The following LYVE1 variants were observed in gnomAD, a reference collection of about 807,000 sequenced individuals.
LYVE1 encodes lymphatic vessel endothelial hyaluronan receptor 1, also known as lymphatic vessel endothelial hyaluronic acid receptor 1.
A neutral mutation model predicts 31.5 loss-of-function variants in LYVE1; 29 were observed. That is an observed-to-expected ratio of 0.92 (90% CI 0.69 to 1.26). The LOEUF is 1.26. Ranked by LOEUF, LYVE1 falls within the 50% of genes most tolerant of loss-of-function variation. The pLI, the probability that LYVE1 is intolerant of heterozygous loss-of-function variation, is 0.00. For synonymous variants in LYVE1, 134 were observed against 139.4 expected (o/e 0.96, Z 0.27); for missense variants, 376 against 380.2 (o/e 0.99, Z 0.09).
intron 3 of LYVE1, among the ~76,000 whole-genome samples, chr11:10,561,009 G>C (rs1310141805): frequency 6.6e-6 from 1 of 152,174 alleles, no homozygotes; most frequent in Non-Finnish European, 1.5e-5. Context: ...TTTGGCCCCT[G>C]CTAACATGCC....
At chr11:10,561,035 T>C (rs1319160134) in intron 3 of LYVE1, among the ~76,000 whole-genome samples, 2 of 152,232 alleles carry the variant, frequency 1.3e-5, no homozygotes, top group Admixed American at 1.3e-4. Context: ...CATCTGCTCT[T>C]TTTCTCTCAT....
At position 10,558,491 on chromosome 11, in the gene LYVE1, G is replaced by C. The variant is rs998015978; in HGVS notation, c.*620C>G. On this transcript the variant is annotated 3_prime_UTR_variant, in exon 6 of 6. Transcript: ENST00000256178. The stretch of plus-strand genomic sequence containing the variant: ...CACTTTGACCCTGTCTGTGTTTACA[G>C]TCCCTGCTGACAGTGTACTGTCGTA... 6.6e-6 allele frequency: 1 copy of C among 152,206 alleles called. No individual in the cohort carries two copies. The highest frequency in any genetic ancestry group is 1.5e-5 in the Non-Finnish European group (1 of 68,046). 9.4% of individuals were successfully genotyped at this position (152,206 alleles called of 1,614,324 possible). A position where few individuals can be genotyped will look rare whatever the true frequency, so the allele number is the denominator to read the frequency against.
At position 10,558,604 on chromosome 11, in the gene LYVE1, C is replaced by T. The variant is rs1459990024; in HGVS notation, c.*507G>A. Reference sequence around the variant, plus strand: ...ATCTCCATGGCTTTCAGGGGCTAAACTTTTCTGCCATTCTTTTGCTCTTAC... The same window carrying T: ...ATCTCCATGGCTTTCAGGGGCTAAATTTTTCTGCCATTCTTTTGCTCTTAC... On this transcript the variant is annotated 3_prime_UTR_variant, in exon 6 of 6. Transcript: ENST00000256178. The T allele has an allele frequency of 6.6e-6, 1 of 152,598 alleles. No homozygotes were observed. The highest frequency in any genetic ancestry group is 1.5e-5 in the Non-Finnish European group (1 of 68,350). The allele number at this position is 152,598 out of a possible 1,614,324, so 9.5% of individuals were successfully genotyped here.
At chr11:10,562,946 C>CTTTTTTT (rs71034774) in intron 3 of LYVE1, among the ~76,000 whole-genome samples, 66 of 79,474 alleles carry the variant, frequency 8.3e-4, no homozygotes, top group Non-Finnish European at 1.0e-3. Flanking sequence ...AACTCGGTTT[C>CTTTTTTT]TTTTTTTTTT....
At chr11:10,566,905 A>G (rs903049874) in intron 1 of LYVE1, among the ~76,000 whole-genome samples, 3 of 152,148 alleles carry the variant, frequency 2.0e-5, no homozygotes, top group Non-Finnish European at 4.4e-5. Context: ...ATGCTTTCCT[A>G]TTTCATTTAG....
At chr11:10,566,202 C>T (rs748452998) in intron 1 of LYVE1, among the ~76,000 whole-genome samples, 16 of 152,024 alleles carry the variant, frequency 1.1e-4, no homozygotes, top group Non-Finnish European at 2.1e-4. Context: ...CTCTGCCTCC[C>T]GGGTCCAAGC....
rs765826656 is a variant in LYVE1, at chr11:10,564,243, GGTCCTTGCCGGCCAAACTTA to G, written c.197_216del (p.Leu66ProfsTer3). On this transcript the variant is annotated frameshift_variant, in exon 2 of 6. Transcript: ENST00000256178. LOFTEE classifies it high-confidence loss of function. ...CTAGCTTTCAAGGCTGTTTCAACTT[GGTCCTTGCCGGCCAAACTTA>G]GTCCCAGCAGCCTACAGGCCTCCTT... 7.4e-6 allele frequency: 12 copies of G among 1,614,146 alleles called. No individual in the cohort carries two copies. The South Asian group carries it at 1.3e-4, about 18-fold the overall frequency.
intron 1 of LYVE1, among the ~76,000 whole-genome samples, chr11:10,565,552 C>A (rs915502511): frequency 2.0e-5 from 3 of 152,176 alleles, no homozygotes; most frequent in African/African-American, 7.2e-5. Flanking sequence ...ATGGAAGTTT[C>A]TTTTTGAAAA....
rs370466017 is a variant in LYVE1 at position 10,560,787 on chromosome 11, G to A, written c.411C>T (p.Asn137=). 6.2e-7 allele frequency: 1 copy of A among 1,610,054 alleles called. No homozygotes were observed. The highest frequency in any genetic ancestry group is 1.3e-5 in the African/African-American group (1 of 74,818). Residue 137 remains asparagine (N), a synonymous_variant, in exon 4 of 6, where the codon AAC becomes AAT. Transcript: ENST00000256178. The stretch of plus-strand genomic sequence containing the variant: ...TGGTGATAATTTCTGGAATGCACGA[G>A]TTAGTCCAAGTATCTGTTGGGATAG... ...YCYNSSDTWT[N]SCIPEIITTK...
At chr11:10,561,067 A>C (rs890842054) in intron 3 of LYVE1, among the ~76,000 whole-genome samples, 2 of 152,142 alleles carry the variant, frequency 1.3e-5, no homozygotes, top group African/African-American at 4.8e-5. Context: ...TACTGAAATT[A>C]CTTGAAATTC....
In LYVE1 at chr11:10,559,031, C is replaced by G; in HGVS notation, c.*80G>C. On this transcript the variant is annotated 3_prime_UTR_variant, in exon 6 of 6. Coordinates refer to ENST00000256178, the MANE Select transcript of LYVE1 (RefSeq NM_006691.4). ...GACTTTCTTCTTTGGTTCTTTGGCC[C>G]TTTTGATTTCCCCAGCTGGGGCAGG... 7.3e-7 allele frequency: 1 copy of G among 1,366,234 alleles called. No homozygotes were observed. The highest frequency in any genetic ancestry group is 1.0e-6 in the Non-Finnish European group (1 of 990,256). 84.6% of individuals were successfully genotyped at this position (1,366,234 alleles called of 1,614,324 possible). A position where few individuals can be genotyped will look rare whatever the true frequency, so the allele number is the denominator to read the frequency against.
chr11:10,563,298 T>C (rs1191878165), intron 3 of LYVE1, among the ~76,000 whole-genome samples: 1 of 152,110 alleles, frequency 6.6e-6, no homozygotes, highest in Non-Finnish European at 1.5e-5. Context: ...GCATATCTCA[T>C]AGGGATCTGT....
chr11:10,559,154 C>T lies in LYVE1; in HGVS notation c.926G>A (p.Ser309Asn), dbSNP rs754567175. ...GCATCGCACGGTAGTTTTGCTTGGA[C>T]TCTTGGACTCTTCTGGGTTTTTATC... is the stretch of plus-strand genomic sequence containing the variant. ...KTDKNPEESK[S>N]PSKTTVRCLE... The change falls in exon 6 of 6, where the codon AGT (serine) becomes AAT (asparagine). Residue 309 changes from serine to asparagine, a missense_variant. Coordinates refer to ENST00000256178, the MANE Select transcript of LYVE1 (RefSeq NM_006691.4). The T allele has an allele frequency of 1.1e-5, 17 of 1,614,010 alleles. No homozygotes were observed. The highest frequency in any genetic ancestry group is 4.0e-5 in the African/African-American group (3 of 74,908).
At chr11:10,566,491 C>T (rs565120686) in intron 1 of LYVE1, among the ~76,000 whole-genome samples, 17 of 152,200 alleles carry the variant, frequency 1.1e-4, no homozygotes, top group Non-Finnish European at 1.9e-4. Flanking sequence ...ACACACACAC[C>T]CCTAGGCTGA....
Position 10,564,010 on chromosome 11 carries a change from AT to A in LYVE1, c.326del (p.Asn109MetfsTer6). ...CCTTCCAAATCAGGACACCCACCCCATTTTTCCCACACTTGGGGTTTGGGCT... is the reference window on the plus strand; with the variant it reads ...CCTTCCAAATCAGGACACCCACCCCATTTTCCCACACTTGGGGTTTGGGCT... The part of the protein sequence containing the change: ...RISPNPKCGK[N>X]GVGVLIWKVP... On this transcript the variant is annotated frameshift_variant, in exon 3 of 6. Transcript: ENST00000256178. LOFTEE classifies it high-confidence loss of function. 6.2e-7 allele frequency: 1 copy of A among 1,613,888 alleles called. No individual in the cohort carries two copies. Among genetic ancestry groups the A allele is most frequent in the Non-Finnish European group, 8.5e-7 (1 of 1,179,984 alleles).
intron 4 of LYVE1, 134 bp from the exon 5 acceptor site, chr11:10,560,028 G>T: frequency 1.7e-6 from 1 of 597,426 alleles, no homozygotes. Context: ...TATGATATTG[G>T]GCCCACACCA....
intron 1 of LYVE1, among the ~76,000 whole-genome samples, 156 bp downstream of exon 1, chr11:10,568,271 TCAATCATTTTGGTGAAGTTGA>T (rs930600310): frequency 2.0e-5 from 3 of 152,252 alleles, no homozygotes; most frequent in Non-Finnish European, 4.4e-5. Context: ...AACGTAAATG[TCAATCATTTTGGTGAAGTTGA>T]CAATATGGTG....
chr11:10,557,272 T>G lies in LYVE1; in HGVS notation c.*1839A>C, dbSNP rs1850335169. 6.6e-6 allele frequency: 1 copy of G among 152,218 alleles called. No homozygotes were observed. The allele number at this position is 152,218 out of a possible 1,614,324, so 9.4% of individuals were successfully genotyped here. ...CCCATTGAAAGGGGACAGCTGCTAC[T>G]CAGTATCAGATAATGATTGCTATGA... On this transcript the variant is annotated 3_prime_UTR_variant, in exon 6 of 6. Coordinates refer to ENST00000256178, the MANE Select transcript of LYVE1 (RefSeq NM_006691.4).
chr11:10,563,532 T>G (rs1324367989), intron 3 of LYVE1, among the ~76,000 whole-genome samples: 1 of 152,140 alleles, frequency 6.6e-6, no homozygotes, highest in Non-Finnish European at 1.5e-5. Context: ...ATCAGGGACT[T>G]GGGCATCTGT....
Sources: gnomAD v4.1 joint callset for allele counts (sites outside exome capture counted in the v4.1 genomes callset) on GRCh38, gnomAD v4.1.1 for gene constraint, MANE v1.5 for transcripts, NCBI Gene and HGNC (gene_info 2026-07-23, HGNC 2026-07-21) for gene names.